Variants in ATP1A2 observed in about 807,000 individuals in gnomAD.
The protein encoded by ATP1A2 is sodium/potassium-transporting ATPase subunit alpha-2.
Under a neutral mutation model 113.1 loss-of-function variants are expected in ATP1A2, and 56 were observed. The observed-to-expected ratio is 0.49, with a 90% CI of 0.40 to 0.62. ATP1A2 has a LOEUF of 0.62. ATP1A2 is among the 20% of genes least tolerant of loss of function. ATP1A2 has a pLI of 0.00. For missense variants in ATP1A2, 712 were observed against 1,357.8 expected, an observed-to-expected ratio of 0.52 and a Z score of 7.47; for synonymous variants, 490 against 526.8, an observed-to-expected ratio of 0.93 and a Z score of 0.96.
Position 160,141,410 on chromosome 1 carries a change from G to T in ATP1A2, c.*88G>T. ...TGATGGAGAGGGATGGAAATAACGG[G>T]TGGCATTGGGTGGCAACATTTGGGG... On this transcript the variant is annotated 3_prime_UTR_variant, in exon 23 of 23. Transcript: ENST00000361216. 6.6e-7 allele frequency: 1 copy of T among 1,525,020 alleles called. No individual in the cohort carries two copies. Among genetic ancestry groups the T allele is most frequent in the African/African-American group, 1.4e-5 (1 of 73,066 alleles). The allele number at this position is 1,525,020 out of a possible 1,614,324, so 94.5% of individuals were successfully genotyped here.
rs764559670 is a variant in ATP1A2 at position 160,120,938 on chromosome 1, G to A, written c.45G>A (p.Thr15=). 1.3e-5 allele frequency: 21 copies of A among 1,608,764 alleles called. No homozygotes were observed. In the East Asian group the frequency reaches 1.8e-4, roughly 14 times the overall value. ...GTGAGTACTCACCTGCCGCCACCAC[G>A]GCAGAGAATGGGGGCGGCAAGAAGA... ...AGREYSPAAT[T]AENGGGKKKQ... The change falls in exon 2 of 23, where the codon ACG becomes ACA. Residue 15 remains threonine (T), a synonymous_variant. Transcript: ENST00000361216.
chr1:160,116,119 A>C (rs1455048593), intron 1 of ATP1A2, among the ~76,000 whole-genome samples: 1 of 147,510 alleles, frequency 6.8e-6, no homozygotes, highest in Non-Finnish European at 1.5e-5. Context: ...ACAGCCCACC[A>C]CACATGCCCC....
In ATP1A2 at chr1:160,135,029, G is replaced by A. The variant is rs1462194411; in HGVS notation, c.1965-116G>A. On this transcript the variant is annotated intron_variant, in intron 14 of 22. Coordinates refer to ENST00000361216, the MANE Select transcript of ATP1A2 (RefSeq NM_000702.4). This position sits in a 1 kb window ranked among gnomAD's most constrained non-coding sequence, Gnocchi z 6.3. Reference sequence around the variant, plus strand: ...TGAGGAGAGGAGAACTGAAGCAACAGGGGAAGCAGGCTCAGCAGGGAGCCT... The same window carrying A: ...TGAGGAGAGGAGAACTGAAGCAACAAGGGAAGCAGGCTCAGCAGGGAGCCT... 1.1e-5 allele frequency: 15 copies of A among 1,362,574 alleles called. No homozygotes were observed. Among genetic ancestry groups the A allele is most frequent in the Non-Finnish European group, 1.4e-5 (14 of 967,932 alleles). 84.4% of individuals were successfully genotyped at this position (1,362,574 alleles called of 1,614,324 possible). A position where few individuals can be genotyped will look rare whatever the true frequency, so the allele number is the denominator to read the frequency against.
chr1:160,131,294 C>T (rs141413354), intron 13 of ATP1A2, among the ~76,000 whole-genome samples: 53 of 152,160 alleles, frequency 3.5e-4, no homozygotes, highest in East Asian at 1.9e-4. Context: ...ATTTAATCTA[C>T]GCAACAACCC....
At chr1:160,129,853 G>A (rs551999019) in intron 11 of ATP1A2, among the ~76,000 whole-genome samples, 1 of 152,320 alleles carries the variant, frequency 6.6e-6, no homozygotes, top group African/African-American at 2.4e-5. Flanking sequence ...CCCTAGCACA[G>A]TGCCTGTCTT....
In ATP1A2 at chr1:160,124,239, GAGA is replaced by G. The variant is rs1651510820; in HGVS notation, c.496-51_496-49del. 5.8e-6 allele frequency: 9 copies of G among 1,560,728 alleles called. No individual in the cohort carries two copies. In the African/African-American group the frequency reaches 8.2e-5, roughly 14 times the overall value. On this transcript the variant is annotated intron_variant, in intron 5 of 22. Transcript: ENST00000361216. ...GCTTGACGGTGTGGGAGACCAGCAG[GAGA>G]AGAAGGCAGGGGCAGAGACAAGCAT...
At chr1:160,126,159 C>A (rs1398027622) in intron 7 of ATP1A2, among the ~76,000 whole-genome samples, 1 of 152,100 alleles carries the variant, frequency 6.6e-6, no homozygotes, top group Non-Finnish European at 1.5e-5. Flanking sequence ...GGTTCCAGGA[C>A]CCCCTTCGTT....
intron 7 of ATP1A2, among the ~76,000 whole-genome samples, chr1:160,125,949 G>C (rs1651572127): frequency 6.6e-6 from 1 of 152,206 alleles, no homozygotes. Flanking sequence ...GGCTGCATCA[G>C]AGAAGGAGTA....
At chr1:160,124,167 C>T in intron 5 of ATP1A2, 111 bp downstream of exon 5, 3 of 1,557,418 alleles carry the variant, frequency 1.9e-6, no homozygotes, top group Non-Finnish European at 2.6e-6. Context: ...AAAAGATCCT[C>T]CAGCTTTCCA....
At chr1:160,132,396 G>A (rs1472664339) in intron 13 of ATP1A2, among the ~76,000 whole-genome samples, 15 of 152,166 alleles carry the variant, frequency 9.9e-5, no homozygotes, top group Non-Finnish European at 1.5e-5. Flanking sequence ...GTTTGAGGAG[G>A]GACTGGATTT....
intron 1 of ATP1A2, 28 bp from the exon 2 acceptor site, chr1:160,120,878 A>G (rs1399596970): frequency 6.7e-7 from 1 of 1,500,018 alleles, no homozygotes; most frequent in Non-Finnish European, 8.9e-7. Context: ...CTCTTCCCTG[A>G]CTCTCTGGCT....
Position 160,135,645 on chromosome 1 carries a change from A to C in ATP1A2, c.2284+43A>C. 6.2e-7 allele frequency: 1 copy of C among 1,612,568 alleles called. No homozygotes were observed. Among genetic ancestry groups the C allele is most frequent in the Non-Finnish European group, 8.5e-7 (1 of 1,179,970 alleles). Reference sequence around the variant, plus strand: ...GTTGGGATGGTTTGCAGGATACTGAAGCCGGCACCTCTGTTCCCTGTCCCT... The same window carrying C: ...GTTGGGATGGTTTGCAGGATACTGACGCCGGCACCTCTGTTCCCTGTCCCT... On this transcript the variant is annotated intron_variant, in intron 16 of 22. Coordinates refer to ENST00000361216, the MANE Select transcript of ATP1A2 (RefSeq NM_000702.4). This position sits in a 1 kb window ranked among gnomAD's most constrained non-coding sequence, Gnocchi z 6.3.
intron 3 of ATP1A2, 128 bp from the exon 4 acceptor site, chr1:160,123,085 C>G: frequency 9.3e-7 from 1 of 1,071,974 alleles, no homozygotes. Flanking sequence ...TGGTCCCCCA[C>G]CCCTTCCAAC....
chr1:160,129,448 G>A lies in ATP1A2; in HGVS notation c.1461+48G>A, dbSNP rs766130058. ...GAGGAAGAGAGAGGGATATAAATGG[G>A]TGAGGGTGGACAAAGCCAAGGGGAA... On this transcript the variant is annotated intron_variant, in intron 11 of 22. Coordinates refer to ENST00000361216, the MANE Select transcript of ATP1A2 (RefSeq NM_000702.4). The A allele has an allele frequency of 3.1e-6, 5 of 1,603,376 alleles. No homozygotes were observed. The East Asian group carries it at 8.9e-5, about 29-fold the overall frequency.
chr1:160,124,873 A>G (rs978184880), intron 6 of ATP1A2, among the ~76,000 whole-genome samples: 1 of 152,206 alleles, frequency 6.6e-6, no homozygotes, highest in African/African-American at 2.4e-5. Flanking sequence ...TTCTGTTTAC[A>G]TTCACCATTT....
At position 160,127,871 on chromosome 1, in the gene ATP1A2, C is replaced by G. The variant is rs543898334; in HGVS notation, c.1017+51C>G. 5 of 1,538,470 alleles carry G rather than the reference C, an allele frequency of 3.2e-6. No homozygotes were observed. The African/African-American group carries it at 4.1e-5, about 13-fold the overall frequency. Reference sequence around the variant, plus strand: ...CCAGGGGAGGGTCTCACTACTCTTTCCTCAGAGTGATAGAGGCACAGTTGC... The same window carrying G: ...CCAGGGGAGGGTCTCACTACTCTTTGCTCAGAGTGATAGAGGCACAGTTGC... On this transcript the variant is annotated intron_variant, in intron 8 of 22. Coordinates refer to ENST00000361216, the MANE Select transcript of ATP1A2 (RefSeq NM_000702.4).
intron 22 of ATP1A2, chr1:160,140,631 C>A (rs1208017606): frequency 1.2e-5 from 2 of 168,522 alleles, no homozygotes; most frequent in African/African-American, 2.4e-5. Flanking sequence ...AATCCCATGT[C>A]CACATCTCTG....
intron 8 of ATP1A2, chr1:160,128,263 C>T: frequency 2.3e-6 from 1 of 434,504 alleles, no homozygotes. Context: ...TGGTTCGCCT[C>T]TCCTCTGTCC....
intron 2 of ATP1A2, 24 bp from the exon 3 acceptor site, chr1:160,121,168 A>G: frequency 6.2e-7 from 1 of 1,614,026 alleles, no homozygotes; most frequent in South Asian, 1.1e-5. Flanking sequence ...TCCTCCCCAA[A>G]GTAACTCACC....
Sources: gnomAD v4.1 joint callset for allele counts (sites outside exome capture counted in the v4.1 genomes callset) on GRCh38, gnomAD v4.1.1 for gene constraint, Gnocchi (gnomAD v3.1) non-coding constraint, MANE v1.5 for transcripts, NCBI Gene and HGNC (gene_info 2026-07-23, HGNC 2026-07-21) for gene names.